The following NDUFS7 variants were observed in gnomAD, a reference collection of about 807,000 sequenced individuals.
The protein encoded by NDUFS7 is NADH:ubiquinone oxidoreductase core subunit S7.
NDUFS7 carries 11 observed loss-of-function variants against 31.1 expected under a neutral mutation model. The ratio of observed to expected loss-of-function variants is 0.35; its 90% CI spans 0.22 to 0.59. The LOEUF (loss-of-function observed/expected upper bound fraction) is 0.59, where lower values mean the gene tolerates loss of function less well. Ranked by LOEUF, NDUFS7 falls within the 20% of genes least tolerant of loss-of-function variation. NDUFS7 has a pLI of 0.79. For synonymous variants in NDUFS7, 136 were observed against 127.9 expected (o/e 1.06, Z -0.43); for missense variants, 263 against 324.2 (o/e 0.81, Z 1.45).
chr19:1,395,191 C>G, intron 7 of NDUFS7, 200 bp from the exon 8 acceptor site: 7 of 1,423,630 alleles, frequency 4.9e-6, no homozygotes, highest in Non-Finnish European at 6.4e-6. Context: ...GGGCCTTGCC[C>G]AGGGGAGGAC....
Position 1,393,566 on chromosome 19 carries a change from C to T in NDUFS7, c.544+236C>T, listed in dbSNP as rs2082572497. The T allele has an allele frequency of 1.5e-6, 1 of 646,282 alleles. No individual in the cohort carries two copies. Among genetic ancestry groups the T allele is most frequent in the Non-Finnish European group, 2.8e-6 (1 of 354,350 alleles). 40.0% of individuals were successfully genotyped at this position (646,282 alleles called of 1,614,324 possible). On this transcript the variant is annotated intron_variant, in intron 7 of 7. Transcript: ENST00000233627. The surrounding 1 kb of genome is among the most constrained non-coding windows in gnomAD (Gnocchi z 7.3). ...GAGCAGGGGAAGCTGAGTGGAATTC[C>T]TGACACACGCCTGGTTTACAGCAGT...
intron 2 of NDUFS7, chr19:1,388,074 G>A (rs1448967076): frequency 3.2e-6 from 2 of 634,242 alleles, no homozygotes; most frequent in East Asian, 2.7e-5. Context: ...AAACCCTGTG[G>A]GCCCGGCTCA....
intron 2 of NDUFS7, chr19:1,388,313 C>T: frequency 1.6e-6 from 1 of 622,046 alleles, no homozygotes; most frequent in Non-Finnish European, 2.9e-6. Context: ...GGGTACGTCA[C>T]AAAAGAAGTT....
intron 4 of NDUFS7, chr19:1,389,522 C>G (rs1247157864): frequency 2.2e-6 from 1 of 457,226 alleles, no homozygotes; most frequent in Non-Finnish European, 4.4e-6. Context: ...GATGACCCCT[C>G]CGTTTCCGTC....
At chr19:1,388,362 G>T in intron 2 of NDUFS7, 163 bp from the exon 3 acceptor site, 1 of 690,202 alleles carries the variant, frequency 1.4e-6, no homozygotes, top group Non-Finnish European at 2.6e-6. Flanking sequence ...TCGGGGCGAT[G>T]GCCGCATGGC....
intron 1 of NDUFS7, among the ~76,000 whole-genome samples, chr19:1,384,836 G>T (rs2144605327): frequency 6.6e-6 from 1 of 152,306 alleles, no homozygotes; most frequent in Non-Finnish European, 1.5e-5. Context: ...TATTAAGACA[G>T]GGTCTGCCTC....
Position 1,393,511 on chromosome 19 carries a change from G to A in NDUFS7, c.544+181G>A, listed in dbSNP as rs191830503. 15 of 692,516 alleles carry A rather than the reference G, an allele frequency of 2.2e-5. No homozygotes were observed. Among genetic ancestry groups the A allele is most frequent in the Admixed American group, 1.4e-4 (7 of 49,538 alleles). 42.9% of individuals were successfully genotyped at this position (692,516 alleles called of 1,614,324 possible). ...AGCCTGTCCCCTGTGAGAAGTCGGCGATGTATTCAGGCATCAGAGGGATCA... is the reference window on the plus strand; with the variant it reads ...AGCCTGTCCCCTGTGAGAAGTCGGCAATGTATTCAGGCATCAGAGGGATCA... On this transcript the variant is annotated intron_variant, in intron 7 of 7. Coordinates refer to ENST00000233627, the MANE Select transcript of NDUFS7 (RefSeq NM_024407.5). This position sits in a 1 kb window ranked among gnomAD's most constrained non-coding sequence, Gnocchi z 7.3.
intron 4 of NDUFS7, chr19:1,389,464 C>T (rs1324455528): frequency 2.2e-6 from 1 of 457,786 alleles, no homozygotes; most frequent in East Asian, 6.9e-5. Flanking sequence ...GGCCCCTGTG[C>T]TGGCCTGGTG....
intron 1 of NDUFS7, among the ~76,000 whole-genome samples, chr19:1,384,981 G>A (rs1272567294): frequency 6.6e-6 from 1 of 152,014 alleles, no homozygotes; most frequent in African/African-American, 2.4e-5. Context: ...TGCCTGGCTA[G>A]TTTTTGTATT....
rs1459791600 is a variant in NDUFS7 at position 1,390,963 on chromosome 19, C to T, written c.321C>T (p.Gly107=). The change falls in exon 5 of 8, where the codon GGC becomes GGT. Residue 107 remains glycine, a synonymous_variant. Coordinates refer to ENST00000233627, the MANE Select transcript of NDUFS7 (RefSeq NM_024407.5). ...AAPRYDMDRF[G]VVFRASPRQS... ...CCCGCTACGACATGGACCGCTTTGG[C>T]GTGGTCTTCCGCGCCAGCCCGCGCC... 35 of 1,612,838 alleles carry T rather than the reference C, an allele frequency of 2.2e-5. No individual in the cohort carries two copies. The highest frequency in any genetic ancestry group is 6.7e-5 in the East Asian group (3 of 44,878).
rs762772605 is a variant in NDUFS7, at chr19:1,388,835, C to A, written c.125C>A (p.Thr42Asn). Residue 42 changes from threonine (T) to asparagine (N), a missense_variant and splice_region_variant, in exon 4 of 8, where the codon ACC becomes AAC. Thr to Asn is a moderately conservative substitution (Grantham distance 65, BLOSUM62 0). Transcript: ENST00000233627. ...QSVATDGPSS[T>N]QPALPKARAV... ...GTGCCCGTGTGTCTCTGTGCCAGCA[C>A]CCAGCCTGCCCTGCCAAAGGCCAGA... 10 of 1,593,232 alleles carry A rather than the reference C, an allele frequency of 6.3e-6. No individual in the cohort carries two copies. The highest frequency in any genetic ancestry group is 8.5e-6 in the Non-Finnish European group (10 of 1,170,518).
Position 1,388,539 on chromosome 19 carries a change from C to T in NDUFS7, c.68C>T (p.Pro23Leu), listed in dbSNP as rs1142530. The change falls in exon 3 of 8, where the codon CCG becomes CTG. Residue 23 changes from proline to leucine, a missense_variant. Pro to Leu is a moderately conservative substitution (Grantham distance 98). Transcript: ENST00000233627. ...RILGLRSSVG[P>L]AVQARGVHQS... ...TCTCCCGGCAGCTCCAGCGTGGGCCCGGCTGTGCAGGCACGAGGTGTCCAT... is the reference window on the plus strand; with the variant it reads ...TCTCCCGGCAGCTCCAGCGTGGGCCTGGCTGTGCAGGCACGAGGTGTCCAT... The T allele has an allele frequency of 0.59, 954,209 of 1,610,648 alleles. 287,790 individuals carry two copies. Among genetic ancestry groups the T allele is most frequent in the Middle Eastern group, 0.64 (3,076 of 4,842 alleles).
In NDUFS7 at chr19:1,388,917, C is replaced by T. The variant is rs756293384; in HGVS notation, c.207C>T (p.Asp69=). Residue 69 remains aspartate, a synonymous_variant, in exon 4 of 8, where the codon GAC becomes GAT. Transcript: ENST00000233627. Reference sequence around the variant, plus strand: ...AGTATGTGGTGGCCAAGCTGGATGACCTCGTCAACTGGGCCCGCCGGGTGA... The same window carrying T: ...AGTATGTGGTGGCCAAGCTGGATGATCTCGTCAACTGGGCCCGCCGGGTGA... ...RGEYVVAKLD[D]LVNWARRSSL... 6.2e-6 allele frequency: 10 copies of T among 1,609,174 alleles called. No homozygotes were observed. The highest frequency in any genetic ancestry group is 5.1e-6 in the Non-Finnish European group (6 of 1,178,230).
intron 7 of NDUFS7, 81 bp from the exon 8 acceptor site, chr19:1,395,310 C>G (rs2082589040): frequency 6.6e-7 from 1 of 1,524,322 alleles, no homozygotes; most frequent in South Asian, 1.2e-5. Context: ...GAAACCCTTC[C>G]AAAGCCGAGC....
At chr19:1,387,790 A>C (rs769981977) in intron 1 of NDUFS7, 21 bp from the exon 2 acceptor site, 3 of 1,609,970 alleles carry the variant, frequency 1.9e-6, no homozygotes, top group Non-Finnish European at 2.5e-6. Flanking sequence ...CACTGTTCCC[A>C]CCCCGTGGTC....
At chr19:1,395,042 C>T in intron 7 of NDUFS7, 1 of 1,194,090 alleles carries the variant, frequency 8.4e-7, no homozygotes, top group Middle Eastern at 3.6e-4. Flanking sequence ...GCCCTGCTCC[C>T]CACTGCTAAG....
intron 4 of NDUFS7, 170 bp downstream of exon 4, chr19:1,389,108 CG>C (rs2082531768): frequency 4.2e-6 from 3 of 719,694 alleles, no homozygotes; most frequent in East Asian, 2.7e-5. Context: ...GATGTGTACA[CG>C]GACCACACGC....
At chr19:1,395,194 G>A in intron 7 of NDUFS7, 197 bp from the exon 8 acceptor site, 2 of 1,424,676 alleles carry the variant, frequency 1.4e-6, no homozygotes, top group Non-Finnish European at 1.8e-6. Context: ...CCTTGCCCAG[G>A]GGAGGACCCC....
At chr19:1,389,273 GCA>G in intron 4 of NDUFS7, 1 of 605,664 alleles carries the variant, frequency 1.7e-6, no homozygotes, top group Non-Finnish European at 3.1e-6. Flanking sequence ...ACATGCACAC[GCA>G]CACTCGCACA....
Sources: gnomAD v4.1 joint callset for allele counts (sites outside exome capture counted in the v4.1 genomes callset) on GRCh38, gnomAD v4.1.1 for gene constraint, Gnocchi (gnomAD v3.1) non-coding constraint, MANE v1.5 for transcripts, NCBI Gene and HGNC (gene_info 2026-07-23, HGNC 2026-07-21) for gene names.